Variants in TMEM38A observed in about 807,000 individuals in gnomAD.
The protein encoded by TMEM38A is trimeric intracellular cation channel type A.
In TMEM38A, 17 loss-of-function variants were observed where a neutral mutation model predicts 28.6. The ratio of observed to expected loss-of-function variants is 0.60; its 90% confidence interval spans 0.41 to 0.89. The LOEUF (loss-of-function observed/expected upper bound fraction) is 0.89. TMEM38A is among the 40% of genes least tolerant of loss of function. The pLI is 0.00. For missense variants in TMEM38A, 328 were observed against 393.1 expected (o/e 0.83, Z 1.40); for synonymous variants, 169 against 166.1 (o/e 1.02, Z -0.14).
intron 1 of TMEM38A, among the ~76,000 whole-genome samples, chr19:16,669,158 A>C (rs913906958): frequency 1.3e-5 from 2 of 150,068 alleles, no homozygotes; most frequent in Admixed American, 6.7e-5. Flanking sequence ...AGGATGTTTC[A>C]TGGTTTGTTT....
rs2122601025 is a variant in TMEM38A, at chr19:16,686,305, T to A, written c.572T>A (p.Leu191Gln). The change falls in exon 5 of 6, where the codon CTG (leucine) becomes CAG (glutamine). Residue 191 changes from leucine to glutamine, a missense_variant. By Grantham distance (113) the Leu-to-Gln change is moderately radical. Transcript: ENST00000187762. Reference protein sequence around the residue: ...LHMSFPTKASLYGAILFTLQQ... With the variant: ...LHMSFPTKASQYGAILFTLQQ... ...CCCTCCAGCCCCACCAAGGCCAGCCTGTATGGAGCCATCCTCTTCACCCTC... is the reference window on the plus strand; with the variant it reads ...CCCTCCAGCCCCACCAAGGCCAGCCAGTATGGAGCCATCCTCTTCACCCTC... The A allele has an allele frequency of 1.2e-6, 2 of 1,612,686 alleles. No homozygotes were observed. The highest frequency in any genetic ancestry group is 1.7e-5 in the Admixed American group (1 of 59,986).
intron 1 of TMEM38A, among the ~76,000 whole-genome samples, chr19:16,664,181 C>T (rs186675571): frequency 2.0e-4 from 30 of 152,162 alleles, no homozygotes; most frequent in African/African-American, 7.0e-4. Context: ...CTTTGGGAGG[C>T]GAGGCGGGTG....
chr19:16,681,041 C>A (rs2086779786), intron 3 of TMEM38A: 1 of 167,106 alleles, frequency 6.0e-6, no homozygotes, highest in Non-Finnish European at 1.3e-5. Flanking sequence ...GGTGAGAACC[C>A]CTTCTTCTCT....
At chr19:16,664,554 G>A (rs943615881) in intron 1 of TMEM38A, among the ~76,000 whole-genome samples, 2 of 152,158 alleles carry the variant, frequency 1.3e-5, no homozygotes, top group Non-Finnish European at 2.9e-5. Flanking sequence ...GAATTTGCCA[G>A]GCCGATACAA....
Position 16,688,337 on chromosome 19 carries a change from G to A in TMEM38A, c.866G>A (p.Gly289Asp), listed in dbSNP as rs374515747. Residue 289 changes from glycine (G) to aspartate (D), a missense_variant, in exon 6 of 6, where the codon GGC becomes GAC. Coordinates refer to ENST00000187762, the MANE Select transcript of TMEM38A (RefSeq NM_024074.4). ...AAGTCCAAGGAGGAGTTGAGCGAGG[G>A]CTCCAGGAAGAAGAAGGCCAAGAAG... ...PAKSKEELSE[G>D]SRKKKAKKAD is the part of the protein sequence containing the mutation. The A allele has an allele frequency of 5.6e-6, 9 of 1,603,230 alleles. No individual in the cohort carries two copies. The highest frequency in any genetic ancestry group is 7.7e-6 in the Non-Finnish European group (9 of 1,175,538).
At chr19:16,677,836 G>A (rs1432602050) in intron 1 of TMEM38A, among the ~76,000 whole-genome samples, 2 of 152,148 alleles carry the variant, frequency 1.3e-5, no homozygotes, top group South Asian at 2.1e-4. Context: ...GGGATTACAA[G>A]TGTGAGCCAC....
At chr19:16,686,563 T>A (rs1490408788) in intron 5 of TMEM38A, among the ~76,000 whole-genome samples, 158 bp downstream of exon 5, 1 of 150,508 alleles carries the variant, frequency 6.6e-6, no homozygotes, top group Non-Finnish European at 1.5e-5. Flanking sequence ...GGGAAGAGAG[T>A]TTAAAAGGCA....
rs908345582 is a variant in TMEM38A at position 16,666,363 on chromosome 19, C to T, written c.124+5022C>T. Among the ~76,000 whole-genome samples the T allele has an allele frequency of 1.1e-4, 17 of 151,528 alleles. No individual in the cohort carries two copies. In the Middle Eastern group the frequency reaches 0.01, roughly 91 times the overall value. ...AATTCCTGAACTCAAGTAATCCACC[C>T]GCCTCAGCCTCCCAAAGTGCTGAAA... On this transcript the variant is annotated intron_variant, in intron 1 of 5. Transcript: ENST00000187762.
At chr19:16,676,149 A>G (rs2086750247) in intron 1 of TMEM38A, among the ~76,000 whole-genome samples, 1 of 149,536 alleles carries the variant, frequency 6.7e-6, no homozygotes, top group Non-Finnish European at 1.5e-5. Flanking sequence ...TCACGAGGTC[A>G]GGAGATTGAG....
intron 3 of TMEM38A, among the ~76,000 whole-genome samples, 163 bp from the exon 4 acceptor site, chr19:16,682,257 TG>T (rs1377212470): frequency 6.6e-6 from 1 of 152,158 alleles, no homozygotes; most frequent in Non-Finnish European, 1.5e-5. Context: ...CTGTCCTCTC[TG>T]AGCCTCAGTT....
intron 1 of TMEM38A, among the ~76,000 whole-genome samples, chr19:16,662,915 G>C (rs967553729): frequency 2.4e-4 from 36 of 151,970 alleles, no homozygotes; most frequent in Non-Finnish European, 3.7e-4. Context: ...TGAACATGGG[G>C]CTATCTTTCC....
At chr19:16,672,826 A>G (rs2086733581) in intron 1 of TMEM38A, among the ~76,000 whole-genome samples, 1 of 152,112 alleles carries the variant, frequency 6.6e-6, no homozygotes, top group Admixed American at 6.6e-5. Flanking sequence ...GATACATCTA[A>G]AACAGAGATT....
Position 16,662,436 on chromosome 19 carries a change from C to CTTT in TMEM38A, c.124+1115_124+1117dup, listed in dbSNP as rs35226829. ...ATATAGTTATAAACGTAAATGCACG[C>CTTT]TTTTTTTTTTTTTTTTTTTTTTGCG... is the stretch of plus-strand genomic sequence containing the variant. On this transcript the variant is annotated intron_variant, in intron 1 of 5. Coordinates refer to ENST00000187762, the MANE Select transcript of TMEM38A (RefSeq NM_024074.4). 3.3e-3 allele frequency among the ~76,000 whole-genome samples: 251 copies of CTTT among 75,734 alleles called. 1 individual carries two copies. The highest frequency in any genetic ancestry group is 6.0e-3 in the African/African-American group (110 of 18,304). The allele number at this position is 75,734 out of a possible 152,430, so 49.7% of individuals were successfully genotyped here.
chr19:16,686,483 T>A (rs1599393327), intron 5 of TMEM38A, 78 bp downstream of exon 5: 1 of 1,189,054 alleles, frequency 8.4e-7, no homozygotes, highest in Non-Finnish European at 1.2e-6. Flanking sequence ...GTGGGGAAAT[T>A]GGACACTCCC....
chr19:16,662,673 C>G (rs1476132275), intron 1 of TMEM38A, among the ~76,000 whole-genome samples: 11 of 151,796 alleles, frequency 7.2e-5, no homozygotes, highest in Non-Finnish European at 1.5e-5. Context: ...AGGATAGTCT[C>G]GATCTCCTGA....
chr19:16,679,989 G>T lies in TMEM38A; in HGVS notation c.130G>T (p.Val44Phe). The T allele has an allele frequency of 6.2e-7, 1 of 1,603,648 alleles. No individual in the cohort carries two copies. Reference protein sequence around the residue: ...ILYLKYEPGAVELSRRHPIAS... With the variant: ...ILYLKYEPGAFELSRRHPIAS... ...GACACTCCTGTGCCTCCCAGGAGCA[G>T]TCGAACTGTCCCGGCGCCACCCCAT... Residue 44 changes from valine (V) to phenylalanine (F), a missense_variant, in exon 2 of 6, where the codon GTC becomes TTC. By Grantham distance (50) the Val-to-Phe change is conservative. Coordinates refer to ENST00000187762, the MANE Select transcript of TMEM38A (RefSeq NM_024074.4).
intron 1 of TMEM38A, among the ~76,000 whole-genome samples, chr19:16,677,574 T>TTCCCC (rs1408328531): frequency 9.9e-5 from 14 of 142,000 alleles, no homozygotes; most frequent in Admixed American, 4.2e-4. Context: ...CTTCCCTCCC[T>TTCCCC]TCCCCTCCCC....
At chr19:16,678,420 T>C in intron 1 of TMEM38A, among the ~76,000 whole-genome samples, 1 of 128,888 alleles carries the variant, frequency 7.8e-6, no homozygotes, top group Admixed American at 8.3e-5. Context: ...AGAGTGAGAC[T>C]CTGTCTCAAA....
intron 1 of TMEM38A, among the ~76,000 whole-genome samples, chr19:16,679,264 T>A (rs1161412100): frequency 8.4e-6 from 1 of 118,492 alleles, no homozygotes; most frequent in Non-Finnish European, 1.6e-5. Flanking sequence ...TGTGTGTGTG[T>A]GTGTGTGTGT....
Sources: gnomAD v4.1 joint callset for allele counts (sites outside exome capture counted in the v4.1 genomes callset) on GRCh38, gnomAD v4.1.1 for gene constraint, MANE v1.5 for transcripts, NCBI Gene and HGNC (gene_info 2026-07-23, HGNC 2026-07-21) for gene names.